Variants in IREB2 observed in about 807,000 individuals in gnomAD.
IREB2 encodes iron responsive element binding protein 2, also known as iron-responsive element-binding protein 2.
Under a neutral mutation model 118.8 loss-of-function variants are expected in IREB2, and 39 were observed. The observed-to-expected ratio is 0.33, with a 90% CI of 0.25 to 0.43. IREB2 has a LOEUF of 0.43. IREB2 is among the 20% of genes least tolerant of loss of function. The pLI is 1.00. For missense variants in IREB2, 900 were observed against 1,147.3 expected (o/e 0.78, Z 3.11); for synonymous variants, 372 against 392.2 (o/e 0.95, Z 0.61).
chr15:78,468,107 G>A (rs933215583), intron 5 of IREB2, among the ~76,000 whole-genome samples: 2 of 152,164 alleles, frequency 1.3e-5, no homozygotes, highest in African/African-American at 2.4e-5. Context: ...TTCCACCTTG[G>A]CTGCCCAAAG....
intron 11 of IREB2, among the ~76,000 whole-genome samples, chr15:78,483,975 G>A (rs190404494): frequency 2.2e-3 from 329 of 152,026 alleles, no homozygotes; most frequent in African/African-American, 7.4e-3. Flanking sequence ...AGTAGAGACA[G>A]GGTTTCACCA....
At chr15:78,438,037 T>G (rs2050779128), upstream of IREB2, 1 of 450,830 alleles carries the variant, frequency 2.2e-6, no homozygotes, top group Non-Finnish European at 4.0e-6. Flanking sequence ...CACTGGAGCC[T>G]CCCCAGCGCT....
intron 20 of IREB2, among the ~76,000 whole-genome samples, chr15:78,494,560 A>G (rs775779608): frequency 3.5e-4 from 53 of 152,144 alleles, no homozygotes; most frequent in Admixed American, 6.5e-4. Context: ...ATAATTATTT[A>G]TACCTATTGA....
At chr15:78,485,142 A>G (rs2051638638) in intron 12 of IREB2, among the ~76,000 whole-genome samples, 1 of 152,190 alleles carries the variant, frequency 6.6e-6, no homozygotes, top group Non-Finnish European at 1.5e-5. Context: ...CTGTCAATTA[A>G]TTTTAGGTTG....
Position 78,476,125 on chromosome 15 carries a change from A to G in IREB2, c.1024-63A>G. 3.2e-6 allele frequency: 4 copies of G among 1,255,784 alleles called. No individual in the cohort carries two copies. The Admixed American group carries it at 8.8e-5, about 28-fold the overall frequency. 77.8% of individuals were successfully genotyped at this position (1,255,784 alleles called of 1,614,324 possible). ...TTAAAAATTTTATTTTATAGTTTTC[A>G]GACAATCGTTGCTAATCTTATCTTT... is the stretch of plus-strand genomic sequence containing the variant. On this transcript the variant is annotated intron_variant, in intron 8 of 21. Coordinates refer to ENST00000258886, the MANE Select transcript of IREB2 (RefSeq NM_004136.4).
chr15:78,485,077 G>A (rs1211871924), intron 12 of IREB2, among the ~76,000 whole-genome samples, 157 bp downstream of exon 12: 1 of 152,162 alleles, frequency 6.6e-6, no homozygotes, highest in Admixed American at 6.5e-5. Context: ...GCCTGAGTTT[G>A]ATTTATGTTG....
At chr15:78,469,719 C>T (rs1338325743) in intron 5 of IREB2, among the ~76,000 whole-genome samples, 5 of 151,048 alleles carry the variant, frequency 3.3e-5, no homozygotes, top group African/African-American at 4.9e-5. Context: ...AGCGAAACTC[C>T]GTCTCAAAAA....
intron 6 of IREB2, among the ~76,000 whole-genome samples, chr15:78,471,486 C>T (rs879765218): frequency 6.6e-6 from 1 of 152,186 alleles, no homozygotes; most frequent in African/African-American, 2.4e-5. Context: ...TCCTGAGAAT[C>T]TTTGGAACGC....
At chr15:78,476,928 A>G (rs1245529278) in intron 9 of IREB2, among the ~76,000 whole-genome samples, 3 of 152,222 alleles carry the variant, frequency 2.0e-5, no homozygotes, top group Non-Finnish European at 2.9e-5. Flanking sequence ...TAAGTCTGCT[A>G]TTTAAAAAGT....
chr15:78,440,280 G>A (rs1019090223), intron 2 of IREB2, among the ~76,000 whole-genome samples: 19 of 151,832 alleles, frequency 1.3e-4, no homozygotes, highest in Non-Finnish European at 2.4e-4. Flanking sequence ...AAGCTACTGC[G>A]CCTGGCCTAA....
chr15:78,439,780 C>CA lies in IREB2; in HGVS notation c.20-13dup. 1 of 1,453,178 alleles carries CA rather than the reference C, an allele frequency of 6.9e-7. No homozygotes were observed. The highest frequency in any genetic ancestry group is 9.5e-7 in the Non-Finnish European group (1 of 1,052,484). The allele number at this position is 1,453,178 out of a possible 1,614,324, so 90.0% of individuals were successfully genotyped here. ...TTTGTTGCTGCATTTAATGAAAATA[C>CA]AATTTTTTTTTCAGGATACGCCTTT... On this transcript the variant is annotated splice_polypyrimidine_tract_variant and intron_variant, in intron 1 of 21. Coordinates refer to ENST00000258886, the MANE Select transcript of IREB2 (RefSeq NM_004136.4).
At chr15:78,451,390 A>G (rs1199688104) in intron 2 of IREB2, among the ~76,000 whole-genome samples, 1 of 152,194 alleles carries the variant, frequency 6.6e-6, no homozygotes, top group East Asian at 1.9e-4. Context: ...TTGCAGCTCA[A>G]TCATACAAGA....
chr15:78,488,263 T>C lies in IREB2; in HGVS notation c.1878T>C (p.Leu626=). Residue 626 remains leucine, a synonymous_variant, in exon 15 of 22, where the codon CTT becomes CTC. Coordinates refer to ENST00000258886, the MANE Select transcript of IREB2 (RefSeq NM_004136.4). Reference sequence around the variant, plus strand: ...GTGATTGTGTTCGTGCCAATTATCTTGCCTCTCCACCCTTAGTGGTAGCTT... The same window carrying C: ...GTGATTGTGTTCGTGCCAATTATCTCGCCTCTCCACCCTTAGTGGTAGCTT... ...RLCDCVRANY[L]ASPPLVVAYA... is the part of the protein sequence containing the mutation. 6.2e-7 allele frequency: 1 copy of C among 1,612,494 alleles called. No individual in the cohort carries two copies. Among genetic ancestry groups the C allele is most frequent in the Non-Finnish European group, 8.5e-7 (1 of 1,179,534 alleles).
chr15:78,501,062 G>T lies in IREB2; in HGVS notation c.*2919G>T, dbSNP rs2051936062. ...GAAGACACCTTTCTTTTGTCTTTAG[G>T]TTTAGGAGGAGATACTAAGATACTG... On this transcript the variant is annotated 3_prime_UTR_variant, in exon 22 of 22. Transcript: ENST00000258886. 6.6e-6 allele frequency: 1 copy of T among 152,156 alleles called. No individual in the cohort carries two copies. The highest frequency in any genetic ancestry group is 2.1e-4 in the South Asian group (1 of 4,824). The allele number at this position is 152,156 out of a possible 1,614,324, so 9.4% of individuals were successfully genotyped here. A position where few individuals can be genotyped will look rare whatever the true frequency, so the allele number is the denominator to read the frequency against.
chr15:78,488,460 T>C, intron 15 of IREB2, 124 bp downstream of exon 15: 1 of 990,934 alleles, frequency 1.0e-6, no homozygotes, highest in East Asian at 2.6e-5. Context: ...TATGATAATG[T>C]ATAGTTATTA....
At position 78,476,212 on chromosome 15, in the gene IREB2, G is replaced by A; in HGVS notation, c.1048G>A (p.Gly350Arg). ...TKHLRQVGVA[G>R]KFVEFFGSGV... ...GCACCTCAGGCAAGTAGGAGTGGCT[G>A]GAAAGTTTGTTGAGTTTTTTGGAAG... is the stretch of plus-strand genomic sequence containing the variant. Residue 350 changes from glycine to arginine, a missense_variant, in exon 9 of 22, where the codon GGA (glycine) becomes AGA (arginine). Gly to Arg is a moderately radical substitution (Grantham distance 125). Transcript: ENST00000258886. 2 of 1,596,802 alleles carry A rather than the reference G, an allele frequency of 1.3e-6. No individual in the cohort carries two copies. Among genetic ancestry groups the A allele is most frequent in the Non-Finnish European group, 8.6e-7 (1 of 1,167,106 alleles).
chr15:78,475,511 T>G (rs1268063219), intron 8 of IREB2: 1 of 152,168 alleles, frequency 6.6e-6, no homozygotes, highest in African/African-American at 2.4e-5. Flanking sequence ...AGTATTTCAT[T>G]AAGTCTAAGA....
chr15:78,474,521 CT>C (rs2051432013), intron 8 of IREB2: 1 of 152,200 alleles, frequency 6.6e-6, no homozygotes, highest in African/African-American at 2.4e-5. Context: ...AAAACTAACG[CT>C]GCTTTTTAGC....
intron 2 of IREB2, among the ~76,000 whole-genome samples, chr15:78,450,824 T>TTGTGTGTGTGTGTGTGTGTGTG (rs35092289): frequency 7.5e-6 from 1 of 134,020 alleles, no homozygotes; most frequent in Non-Finnish European, 1.6e-5. Flanking sequence ...ATTAACAAAT[T>TTGTGTGTGTGTGTGTGTGTGTG]TGTGTGTGTG....
Sources: gnomAD v4.1 joint callset for allele counts (sites outside exome capture counted in the v4.1 genomes callset) on GRCh38, gnomAD v4.1.1 for gene constraint, MANE v1.5 for transcripts, NCBI Gene and HGNC (gene_info 2026-07-23, HGNC 2026-07-21) for gene names.